ENTPD5: variants seen among roughly 807,000 people sequenced by gnomAD.
ENTPD5 encodes nucleoside diphosphate phosphatase ENTPD5.
A neutral mutation model predicts 60.2 loss-of-function variants in ENTPD5; 49 were observed. The observed-to-expected ratio is 0.81, with a 90% CI of 0.65 to 1.03. The LOEUF is 1.03. Among genes scored for constraint, ENTPD5 ranks in the 50% least tolerant of loss-of-function variants. The pLI is 0.00. For missense variants in ENTPD5, 480 were observed against 507.6 expected (o/e 0.95, Z 0.52); for synonymous variants, 187 against 185.4 (o/e 1.01, Z -0.07).
chr14:73,962,901 T>C (rs79648077), downstream of ENTPD5: 8,752 of 1,301,432 alleles, frequency 6.7e-3, 67 homozygotes, highest in East Asian at 0.03. Context: ...TACGTGATTA[T>C]TATCTACAAT....
rs187187538 is a variant in ENTPD5, at chr14:74,004,371, T to C, written c.-71+6720A>G. On this transcript the variant is annotated intron_variant, in intron 3 of 15. Coordinates refer to ENST00000334696, the MANE Select transcript of ENTPD5 (RefSeq NM_001249.5). ...CTAGTAGAGACGGGGTTTCGCCATA[T>C]TGGCCAGGCTCAAACTCCTGACCTC... Among the ~76,000 whole-genome samples the C allele has an allele frequency of 4.1e-3, 626 of 152,244 alleles. 3 individuals carry two copies. The highest frequency in any genetic ancestry group is 5.1e-3 in the Non-Finnish European group (348 of 68,020).
downstream of ENTPD5, chr14:73,959,811 C>A: frequency 7.8e-7 from 1 of 1,281,426 alleles, no homozygotes; most frequent in Non-Finnish European, 1.0e-6. Flanking sequence ...CTCAAGTGAT[C>A]TGCCTGCCTT....
rs1224060585 is a variant in ENTPD5, at chr14:74,006,284, C to CTT, written c.-71+4805_-71+4806dup. ...ACAGGCATTAGCCACCTCGCCAAGCCTTTTTTTTTTTTTTTTTGAGACGGA... is the reference window on the plus strand; with the variant it reads ...ACAGGCATTAGCCACCTCGCCAAGCCTTTTTTTTTTTTTTTTTTTGAGACGGA... On this transcript the variant is annotated intron_variant, in intron 3 of 15. Coordinates refer to ENST00000334696, the MANE Select transcript of ENTPD5 (RefSeq NM_001249.5). Among the ~76,000 whole-genome samples the CTT allele has an allele frequency of 2.4e-3, 318 of 129,962 alleles. 2 individuals are homozygous for CTT. Among genetic ancestry groups the CTT allele is most frequent in the Admixed American group, 3.8e-3 (47 of 12,298 alleles). The allele number at this position is 129,962 out of a possible 152,430, so 85.3% of individuals were successfully genotyped here.
At chr14:74,000,483 C>G (rs1315234560) in intron 3 of ENTPD5, among the ~76,000 whole-genome samples, 1 of 147,836 alleles carries the variant, frequency 6.8e-6, no homozygotes, top group Non-Finnish European at 1.5e-5. Context: ...TATATATAAG[C>G]ATATATAAAA....
chr14:73,959,133 C>G, downstream of ENTPD5: 1 of 1,614,216 alleles, frequency 6.2e-7, no homozygotes, highest in Non-Finnish European at 8.5e-7. Context: ...AGGTACTTCA[C>G]AGAGAAACTT....
chr14:73,999,560 C>T (rs1204473430), intron 3 of ENTPD5, among the ~76,000 whole-genome samples: 1 of 151,954 alleles, frequency 6.6e-6, no homozygotes, highest in Non-Finnish European at 1.5e-5. Flanking sequence ...CTTTGGGAGG[C>T]CAAGGTGGGC....
Position 73,975,985 on chromosome 14 carries a change from G to A in ENTPD5, c.673C>T (p.Leu225Phe), listed in dbSNP as rs368435123. 6.2e-7 allele frequency: 1 copy of A among 1,613,570 alleles called. No homozygotes were observed. The highest frequency in any genetic ancestry group is 1.1e-5 in the South Asian group (1 of 91,082). ...CTGTTAAACATCTCAAAGGAAGTGAGGTAGCCCCTAGGAGTTTGTTCCAGA... is the reference window on the plus strand; with the variant it reads ...CTGTTAAACATCTCAAAGGAAGTGAAGTAGCCCCTAGGAGTTTGTTCCAGA... ...KTLEQTPRGYLTSFEMFNSTY... is the reference protein window; with the variant it reads ...KTLEQTPRGYFTSFEMFNSTY... The change falls in exon 10 of 16, where the codon CTC becomes TTC. Residue 225 changes from leucine (L) to phenylalanine (F), a missense_variant. By Grantham distance (22) the Leu-to-Phe change is conservative. Coordinates refer to ENST00000334696, the MANE Select transcript of ENTPD5 (RefSeq NM_001249.5).
At chr14:73,957,496 C>G (rs1420215539), downstream of ENTPD5, among the ~76,000 whole-genome samples, 1 of 152,120 alleles carries the variant, frequency 6.6e-6, no homozygotes, top group African/African-American at 2.4e-5. Flanking sequence ...TGTTTTGAGA[C>G]AAGGTCTTGC....
intron 14 of ENTPD5, among the ~76,000 whole-genome samples, chr14:73,970,947 TC>T (rs143664924): frequency 0.011 from 1,710 of 152,000 alleles, 28 homozygotes; most frequent in African/African-American, 0.039. Context: ...TGCCTCAGCC[TC>T]CCAAGTAGCT....
chr14:73,963,406 G>C lies in ENTPD5; in HGVS notation c.*3522C>G, dbSNP rs572909334. ...AATTAGACTCGATGCATTTTTGTTA[G>C]AATTGCTGTTTAAATGTTAACATCA... is the stretch of plus-strand genomic sequence containing the variant. On this transcript the variant is annotated 3_prime_UTR_variant, in exon 16 of 16. Transcript: ENST00000334696. The C allele has an allele frequency of 7.2e-6, 2 of 277,224 alleles. No individual in the cohort carries two copies. The highest frequency in any genetic ancestry group is 1.3e-5 in the Non-Finnish European group (2 of 149,024). 17.2% of individuals were successfully genotyped at this position (277,224 alleles called of 1,614,324 possible). A position where few individuals can be genotyped will look rare whatever the true frequency, so the allele number is the denominator to read the frequency against.
At chr14:73,989,008 C>G (rs10131935) in intron 3 of ENTPD5, among the ~76,000 whole-genome samples, 127,800 of 151,754 alleles carry the variant, frequency 0.84, 54,150 homozygotes, top group East Asian at 0.95. Context: ...ATTTTTAGTA[C>G]AGACGGGGTT....
At position 73,982,908 on chromosome 14, in the gene ENTPD5, C is replaced by T. The variant is rs2057750380; in HGVS notation, c.441+110G>A. The T allele has an allele frequency of 8.4e-6, 9 of 1,069,302 alleles. No homozygotes were observed. The South Asian group carries it at 1.3e-4, about 16-fold the overall frequency. The allele number at this position is 1,069,302 out of a possible 1,614,324, so 66.2% of individuals were successfully genotyped here. A position where few individuals can be genotyped will look rare whatever the true frequency, so the allele number is the denominator to read the frequency against. ...GGTCAGAGTCATCACAATGCTTTGG[C>T]AGTGGTGGAATACTGAAGGTAGTGG... On this transcript the variant is annotated intron_variant, in intron 6 of 15. Coordinates refer to ENST00000334696, the MANE Select transcript of ENTPD5 (RefSeq NM_001249.5).
At chr14:73,991,648 G>A (rs972356386) in intron 3 of ENTPD5, among the ~76,000 whole-genome samples, 12 of 143,826 alleles carry the variant, frequency 8.3e-5, no homozygotes, top group East Asian at 4.0e-4. Flanking sequence ...TGATGTGGGC[G>A]CTGTCCTGTG....
At chr14:73,989,840 A>AG (rs2140663673) in intron 3 of ENTPD5, among the ~76,000 whole-genome samples, 1 of 148,096 alleles carries the variant, frequency 6.8e-6, no homozygotes, top group African/African-American at 2.5e-5. Flanking sequence ...CTCAAAAAAA[A>AG]AAAAAAAAAA....
chr14:73,983,295 C>T, intron 5 of ENTPD5, 134 bp from the exon 6 acceptor site: 1 of 891,816 alleles, frequency 1.1e-6, no homozygotes, highest in Non-Finnish European at 1.6e-6. Flanking sequence ...TGCTCTGTAG[C>T]AGGAGAAACC....
downstream of ENTPD5, among the ~76,000 whole-genome samples, chr14:73,957,336 C>A (rs576113715): frequency 2.0e-5 from 3 of 152,234 alleles, no homozygotes; most frequent in Non-Finnish European, 4.4e-5. Context: ...CCACCCACCT[C>A]GGCCTCCCAA....
chr14:73,976,702 T>A (rs2057460511), intron 8 of ENTPD5, among the ~76,000 whole-genome samples: 1 of 151,770 alleles, frequency 6.6e-6, no homozygotes, highest in African/African-American at 2.4e-5. Context: ...AACCTCTGCC[T>A]CCTGGGTTCA....
At position 73,986,855 on chromosome 14, in the gene ENTPD5, C is replaced by T; in HGVS notation, c.256G>A (p.Val86Met). Reference protein sequence around the residue: ...PILEGEVFDSVKPGLSAFVDQ... With the variant: ...PILEGEVFDSMKPGLSAFVDQ... ...ACAAAAGCAGAAAGTCCTGGCTTCA[C>T]AGAATCAAAAACTTCCCCTTCTAGA... Residue 86 changes from valine to methionine, a missense_variant, in exon 5 of 16, where the codon GTG becomes ATG. Val to Met is a conservative substitution (Grantham distance 21). Coordinates refer to ENST00000334696, the MANE Select transcript of ENTPD5 (RefSeq NM_001249.5). The T allele has an allele frequency of 6.2e-7, 1 of 1,614,106 alleles. No homozygotes were observed. The highest frequency in any genetic ancestry group is 1.1e-5 in the South Asian group (1 of 91,070).
intron 3 of ENTPD5, among the ~76,000 whole-genome samples, chr14:74,001,940 T>C (rs73301485): frequency 0.079 from 11,996 of 152,092 alleles, 630 homozygotes; most frequent in South Asian, 0.26. Flanking sequence ...AAAGAGGATA[T>C]AGAAGAAGAG....
Sources: gnomAD v4.1 joint callset for allele counts (sites outside exome capture counted in the v4.1 genomes callset) on GRCh38, gnomAD v4.1.1 for gene constraint, MANE v1.5 for transcripts, NCBI Gene and HGNC (gene_info 2026-07-23, HGNC 2026-07-21) for gene names.